SLC35F4: variants seen among roughly 807,000 people sequenced by gnomAD.
SLC35F4 encodes the protein solute carrier family 35 member F4.
SLC35F4 carries 24 observed loss-of-function variants against 44.2 expected under a neutral mutation model. That is an observed-to-expected ratio of 0.54 (90% confidence interval 0.39 to 0.76). SLC35F4 has a LOEUF of 0.76. Among genes scored for constraint, SLC35F4 ranks in the 30% least tolerant of loss-of-function variants. The probability of loss-of-function intolerance (pLI) is 0.00; values close to 1 mark genes in which losing one functional copy is unlikely to be tolerated. For synonymous variants in SLC35F4, 238 were observed against 223.6 expected (o/e 1.06, Z -0.57); for missense variants, 562 against 586.1 (o/e 0.96, Z 0.42).
chr14:57,873,563 C>T (rs779706404), intron 1 of SLC35F4, among the ~76,000 whole-genome samples: 7 of 152,104 alleles, frequency 4.6e-5, no homozygotes, highest in South Asian at 2.1e-4. Flanking sequence ...TGAAAAAAAT[C>T]AGAATTCTAG....
In SLC35F4 at chr14:57,659,351, T is replaced by C. The variant is rs530761569; in HGVS notation, c.104-65227A>G. On this transcript the variant is annotated intron_variant, in intron 1 of 7. Coordinates refer to ENST00000556826, the MANE Select transcript of SLC35F4 (RefSeq NM_001306087.2). ...GAAAAAAGAACACATGCAGATAGCTTAGATCAGGGAAGTGGCCCTGAGGTC... is the reference window on the plus strand; with the variant it reads ...GAAAAAAGAACACATGCAGATAGCTCAGATCAGGGAAGTGGCCCTGAGGTC... Among the ~76,000 whole-genome samples the C allele has an allele frequency of 2.0e-5, 3 of 152,276 alleles. No individual in the cohort carries two copies. The South Asian group carries it at 6.2e-4, about 32-fold the overall frequency.
intron 1 of SLC35F4, among the ~76,000 whole-genome samples, chr14:57,692,203 G>A (rs999440841): frequency 6.6e-5 from 10 of 152,088 alleles, no homozygotes; most frequent in Non-Finnish European, 1.5e-4. Context: ...CTCCTAGTAC[G>A]ACGAAGTTCT....
Position 57,865,803 on chromosome 14 carries a change from T to C in SLC35F4, c.23A>G (p.Asn8Ser). 2 of 1,519,202 alleles carry C rather than the reference T, an allele frequency of 1.3e-6. No individual in the cohort carries two copies. The highest frequency in any genetic ancestry group is 1.8e-6 in the Non-Finnish European group (2 of 1,139,962). The allele number at this position is 1,519,202 out of a possible 1,614,324, so 94.1% of individuals were successfully genotyped here. A position where few individuals can be genotyped will look rare whatever the true frequency, so the allele number is the denominator to read the frequency against. MDVKAAP[N>S]GVATIEDRIL... ...CCGGTCCTCGATAGTGGCCACCCCG[T>C]TGGGGGCCGCCTTGACATCCATAGA... Residue 8 changes from asparagine to serine, a missense_variant, in exon 1 of 8, where the codon AAC (asparagine) becomes AGC (serine). Coordinates refer to ENST00000556826, the MANE Select transcript of SLC35F4 (RefSeq NM_001306087.2).
At chr14:57,761,122 C>T (rs914182968) in intron 1 of SLC35F4, among the ~76,000 whole-genome samples, 10 of 152,146 alleles carry the variant, frequency 6.6e-5, no homozygotes, top group African/African-American at 2.2e-4. Flanking sequence ...GAGACTTGGA[C>T]CATCTGTTTC....
At chr14:57,782,098 T>C (rs1418442624) in intron 1 of SLC35F4, among the ~76,000 whole-genome samples, 4 of 152,156 alleles carry the variant, frequency 2.6e-5, no homozygotes, top group African/African-American at 4.8e-5. Context: ...AGTAAAAAAA[T>C]GTTTATCACA....
chr14:57,649,759 C>A (rs1295556052), intron 1 of SLC35F4, among the ~76,000 whole-genome samples: 2 of 149,900 alleles, frequency 1.3e-5, no homozygotes, highest in Admixed American at 6.7e-5. Flanking sequence ...AATGAATATA[C>A]CTTTTTTGTT....
downstream of SLC35F4, among the ~76,000 whole-genome samples, chr14:57,974,567 T>C (rs557515419): frequency 4.6e-5 from 7 of 152,196 alleles, no homozygotes; most frequent in East Asian, 1.4e-3. Flanking sequence ...GAAAGATAAA[T>C]GAGAAGTAAG....
chr14:57,938,609 T>C (rs1346557290), intron 1 of SLC35F4, among the ~76,000 whole-genome samples: 1 of 152,218 alleles, frequency 6.6e-6, no homozygotes, highest in Non-Finnish European at 1.5e-5. Flanking sequence ...TTTGATTACA[T>C]GGCATTTGTC....
At chr14:57,813,802 C>T (rs1418254140) in intron 1 of SLC35F4, among the ~76,000 whole-genome samples, 11 of 152,108 alleles carry the variant, frequency 7.2e-5, no homozygotes, top group Admixed American at 6.5e-4. Context: ...ATCACAGAGA[C>T]AGGCAGGGCT....
intron 1 of SLC35F4, among the ~76,000 whole-genome samples, chr14:57,726,197 A>G (rs2076199242): frequency 6.6e-6 from 1 of 152,148 alleles, no homozygotes; most frequent in Non-Finnish European, 1.5e-5. Flanking sequence ...TCTTAGTATT[A>G]CCATGCCCTG....
At chr14:57,826,767 TCAC>T (rs1883813493) in intron 1 of SLC35F4, among the ~76,000 whole-genome samples, 1 of 151,342 alleles carries the variant, frequency 6.6e-6, no homozygotes, top group Non-Finnish European at 1.5e-5. Context: ...AAGCTGAACA[TCAC>T]TAATTATTAA....
chr14:57,914,015 G>C (rs1488759323), intron 1 of SLC35F4, among the ~76,000 whole-genome samples: 6 of 152,208 alleles, frequency 3.9e-5, no homozygotes, highest in Non-Finnish European at 8.8e-5. Context: ...CTTCTTGCAA[G>C]TATGGCTCCT....
At chr14:57,589,075 T>G in intron 3 of SLC35F4, 141 bp downstream of exon 3, 2 of 842,606 alleles carry the variant, frequency 2.4e-6, no homozygotes, top group Non-Finnish European at 3.7e-6. Context: ...TGATTCTGCT[T>G]CTAGTGCTCG....
At chr14:57,587,187 G>A (rs893675926) in intron 3 of SLC35F4, among the ~76,000 whole-genome samples, 1 of 152,218 alleles carries the variant, frequency 6.6e-6, no homozygotes, top group African/African-American at 2.4e-5. Context: ...GTGTAAATTA[G>A]TTCAACCATT....
chr14:57,633,889 T>C (rs2072904570), intron 1 of SLC35F4, among the ~76,000 whole-genome samples: 1 of 152,066 alleles, frequency 6.6e-6, no homozygotes, highest in Non-Finnish European at 1.5e-5. Flanking sequence ...TATTCCATAG[T>C]ATGAATCTAC....
chr14:57,958,182 C>G (rs1038545264), intron 1 of SLC35F4, among the ~76,000 whole-genome samples: 2 of 152,098 alleles, frequency 1.3e-5, no homozygotes, highest in Admixed American at 6.6e-5. Flanking sequence ...CTCAGCCTCC[C>G]CAGCAGCTGG....
chr14:57,563,995 A>C lies in SLC35F4; in HGVS notation c.*140T>G. On this transcript the variant is annotated 3_prime_UTR_variant, in exon 8 of 8. Transcript: ENST00000556826. ...AATTCCTTGATAAGCATATAAATGT[A>C]AACTTTTATTGTTGGCATTATTTCA... The C allele has an allele frequency of 1.1e-6, 1 of 907,926 alleles. No homozygotes were observed. Among genetic ancestry groups the C allele is most frequent in the Non-Finnish European group, 1.6e-6 (1 of 620,564 alleles). 56.2% of individuals were successfully genotyped at this position (907,926 alleles called of 1,614,324 possible).
intron 3 of SLC35F4, among the ~76,000 whole-genome samples, chr14:57,581,906 A>C (rs2069302369): frequency 6.6e-6 from 1 of 152,178 alleles, no homozygotes. Flanking sequence ...TATTTCTAAG[A>C]CACTAAGCCA....
chr14:57,904,893 A>C (rs1362945306), intron 1 of SLC35F4, among the ~76,000 whole-genome samples: 1 of 152,202 alleles, frequency 6.6e-6, no homozygotes, highest in African/African-American at 2.4e-5. Context: ...CTTTGCAAGG[A>C]GCAAATATAG....
Sources: allele counts gnomAD v4.1 joint callset (sites outside exome capture counted in the v4.1 genomes callset), GRCh38; gene constraint gnomAD v4.1.1; transcripts MANE v1.5; gene names NCBI Gene and HGNC (gene_info 2026-07-23, HGNC 2026-07-21).